DCLK1: variants seen among roughly 807,000 people sequenced by gnomAD.
DCLK1 encodes serine/threonine-protein kinase DCLK1.
A neutral mutation model predicts 86.2 loss-of-function variants in DCLK1; 16 were observed. The observed-to-expected ratio is 0.19, with a 90% confidence interval of 0.13 to 0.28. The LOEUF is 0.28. Among genes scored for constraint, DCLK1 ranks in the 10% least tolerant of loss-of-function variants. DCLK1 has a pLI of 1.00. For missense variants in DCLK1, 590 were observed against 940.2 expected (o/e 0.63, Z 4.87); for synonymous variants, 369 against 370.5 (o/e 1.00, Z 0.05).
chr13:36,019,742 A>C (rs1317810580), intron 3 of DCLK1, among the ~76,000 whole-genome samples: 1 of 152,216 alleles, frequency 6.6e-6, no homozygotes, highest in African/African-American at 2.4e-5. Flanking sequence ...CAATACAAAA[A>C]TTGCAACTAC....
intron 3 of DCLK1, among the ~76,000 whole-genome samples, chr13:36,025,301 A>T (rs1881985732): frequency 6.6e-6 from 1 of 152,126 alleles, no homozygotes; most frequent in Admixed American, 6.6e-5. Context: ...TGCCAAGGTA[A>T]TTTAATGGAG....
At chr13:36,047,592 A>C (rs1222793934) in intron 3 of DCLK1, among the ~76,000 whole-genome samples, 1 of 152,248 alleles carries the variant, frequency 6.6e-6, no homozygotes, top group African/African-American at 2.4e-5. Context: ...AGGCACAGAA[A>C]GACAAATACT....
intron 4 of DCLK1, among the ~76,000 whole-genome samples, chr13:35,946,288 G>A (rs1433526768): frequency 6.6e-6 from 1 of 152,120 alleles, no homozygotes; most frequent in Admixed American, 6.5e-5. Flanking sequence ...ACAGGTGTGA[G>A]CCACCATGCC....
At chr13:35,886,178 A>G (rs1441132666) in intron 4 of DCLK1, among the ~76,000 whole-genome samples, 1 of 151,806 alleles carries the variant, frequency 6.6e-6, no homozygotes, top group Admixed American at 6.6e-5. Context: ...TGCCTGGCTA[A>G]TTTTTTGTAT....
At chr13:36,077,149 G>C (rs1372578998) in intron 3 of DCLK1, among the ~76,000 whole-genome samples, 1 of 152,092 alleles carries the variant, frequency 6.6e-6, no homozygotes, top group Non-Finnish European at 1.5e-5. Flanking sequence ...ACTCTGTTCT[G>C]TCCCAATTTT....
intron 16 of DCLK1, among the ~76,000 whole-genome samples, chr13:35,782,944 G>A (rs554996888): frequency 1.3e-5 from 2 of 152,344 alleles, no homozygotes; most frequent in African/African-American, 4.8e-5. Context: ...GGCAAAGGCA[G>A]CCATAGACAG....
intron 3 of DCLK1, among the ~76,000 whole-genome samples, chr13:36,082,377 T>C (rs1041146427): frequency 2.0e-4 from 30 of 152,246 alleles, no homozygotes; most frequent in African/African-American, 7.2e-4. Context: ...ATATGTGTTA[T>C]GTTAATTGAC....
intron 3 of DCLK1, among the ~76,000 whole-genome samples, chr13:35,958,934 T>C (rs911015419): frequency 1.3e-5 from 2 of 152,150 alleles, no homozygotes; most frequent in African/African-American, 2.4e-5. Context: ...AATAATACTG[T>C]TTTTGCATAA....
intron 3 of DCLK1, among the ~76,000 whole-genome samples, chr13:35,984,840 G>A (rs962793153): frequency 1.3e-5 from 2 of 151,384 alleles, no homozygotes; most frequent in African/African-American, 2.4e-5. Context: ...CCCCTTCCCC[G>A]CTTGGCTTTT....
chr13:35,889,261 T>A (rs1740330037), intron 4 of DCLK1, among the ~76,000 whole-genome samples: 2 of 152,186 alleles, frequency 1.3e-5, no homozygotes, highest in Non-Finnish European at 2.9e-5. Flanking sequence ...CCTTCATGCA[T>A]AATTTCCCTC....
At chr13:36,032,923 C>T (rs539844688) in intron 3 of DCLK1, among the ~76,000 whole-genome samples, 1 of 152,260 alleles carries the variant, frequency 6.6e-6, no homozygotes, top group Admixed American at 6.5e-5. Context: ...ATAATACAAA[C>T]AAACAAGCAA....
chr13:35,984,431 T>C (rs1229062868), intron 3 of DCLK1, among the ~76,000 whole-genome samples: 1 of 152,138 alleles, frequency 6.6e-6, no homozygotes, highest in Admixed American at 6.6e-5. Flanking sequence ...AAGTAATGGC[T>C]TCACATGCCC....
In DCLK1 at chr13:35,774,412, C is replaced by T; in HGVS notation, c.*123G>A. ...CTACAAAGATACCTGAAAACACTTTCAGTTCTGCCATTCAAGCATTGAGCG... is the reference window on the plus strand; with the variant it reads ...CTACAAAGATACCTGAAAACACTTTTAGTTCTGCCATTCAAGCATTGAGCG... On this transcript the variant is annotated 3_prime_UTR_variant, in exon 17 of 17. Transcript: ENST00000360631. The T allele has an allele frequency of 3.4e-6, 4 of 1,174,544 alleles. No individual in the cohort carries two copies. Among genetic ancestry groups the T allele is most frequent in the Non-Finnish European group, 4.7e-6 (4 of 846,920 alleles). 72.8% of individuals were successfully genotyped at this position (1,174,544 alleles called of 1,614,324 possible). A position where few individuals can be genotyped will look rare whatever the true frequency, so the allele number is the denominator to read the frequency against.
intron 2 of DCLK1, among the ~76,000 whole-genome samples, chr13:36,112,589 C>T (rs1282855899): frequency 1.3e-5 from 2 of 152,076 alleles, no homozygotes; most frequent in African/African-American, 4.8e-5. Flanking sequence ...ATTGGAAGTA[C>T]CTCCATTTGC....
At chr13:35,899,613 T>C (rs757989244) in intron 4 of DCLK1, among the ~76,000 whole-genome samples, 1 of 152,218 alleles carries the variant, frequency 6.6e-6, no homozygotes, top group Non-Finnish European at 1.5e-5. Flanking sequence ...GTGATGAATA[T>C]GTAAATCATT....
intron 3 of DCLK1, among the ~76,000 whole-genome samples, chr13:36,106,719 T>G (rs1197338398): frequency 1.3e-5 from 2 of 152,142 alleles, no homozygotes; most frequent in African/African-American, 4.8e-5. Context: ...ACAGAAAACC[T>G]CCTTTCCCAT....
intron 4 of DCLK1, among the ~76,000 whole-genome samples, chr13:35,917,092 C>T (rs973684967): frequency 3.3e-5 from 5 of 152,180 alleles, no homozygotes; most frequent in Non-Finnish European, 7.3e-5. Flanking sequence ...AACTCATACC[C>T]TTTTTGCCCT....
intron 2 of DCLK1, among the ~76,000 whole-genome samples, chr13:36,114,987 G>T (rs1329212586): frequency 6.6e-6 from 1 of 152,066 alleles, no homozygotes; most frequent in Non-Finnish European, 1.5e-5. Context: ...TGAGGTATGT[G>T]TGTTAAGTGC....
intron 3 of DCLK1, among the ~76,000 whole-genome samples, chr13:36,089,352 CT>C (rs757803303): frequency 6.6e-6 from 1 of 152,218 alleles, no homozygotes; most frequent in Non-Finnish European, 1.5e-5. Flanking sequence ...CCTGCTAGGC[CT>C]GAACAGAAGC....
Sources: allele counts gnomAD v4.1 joint callset (sites outside exome capture counted in the v4.1 genomes callset), GRCh38; gene constraint gnomAD v4.1.1; transcripts MANE v1.5; gene names NCBI Gene and HGNC (gene_info 2026-07-23, HGNC 2026-07-21).